Variants in GPLD1 observed in about 807,000 individuals in gnomAD.
GPLD1 encodes phosphatidylinositol-glycan-specific phospholipase D.
In GPLD1, 84 loss-of-function variants were observed where a neutral mutation model predicts 112.6. That is an observed-to-expected ratio of 0.75 (90% CI 0.63 to 0.89). The LOEUF is 0.89. Ranked by LOEUF, GPLD1 falls within the 40% of genes least tolerant of loss-of-function variation. The pLI, the probability that GPLD1 is intolerant of heterozygous loss-of-function variation, is 0.00. For synonymous variants in GPLD1, 386 were observed against 403.8 expected (o/e 0.96, Z 0.53); for missense variants, 1,044 against 1,051.5 (o/e 0.99, Z 0.10).
At chr6:24,467,407 GT>G in intron 7 of GPLD1, 133 bp from the exon 8 acceptor site, 1 of 610,390 alleles carries the variant, frequency 1.6e-6, no homozygotes, top group Non-Finnish European at 2.9e-6. Context: ...ACATGCACCA[GT>G]TATTTAATCC....
intron 10 of GPLD1, among the ~76,000 whole-genome samples, chr6:24,465,489 G>A (rs1354299416): frequency 6.6e-6 from 1 of 152,018 alleles, no homozygotes; most frequent in East Asian, 1.9e-4. Flanking sequence ...GTAGCGAGCT[G>A]AGATAATGCC....
chr6:24,447,854 A>C lies in GPLD1; in HGVS notation c.1678+23T>G. 2.5e-6 allele frequency: 4 copies of C among 1,612,488 alleles called. No individual in the cohort carries two copies. In the South Asian group the frequency reaches 4.4e-5, roughly 18 times the overall value. On this transcript the variant is annotated intron_variant, in intron 17 of 24. Transcript: ENST00000230036. ...AGACACACAGAGCAGCCATGGTCTC[A>C]CCCATTCCCCCTCAGGCACTACCTT...
intron 5 of GPLD1, among the ~76,000 whole-genome samples, chr6:24,474,896 C>T (rs912470147): frequency 1.3e-5 from 2 of 151,100 alleles, no homozygotes; most frequent in Admixed American, 6.6e-5. Flanking sequence ...GCCAAGATCG[C>T]GCCTTCGCAC....
chr6:24,452,220 CCTGT>C (rs1309561753), intron 14 of GPLD1, among the ~76,000 whole-genome samples: 3 of 152,180 alleles, frequency 2.0e-5, no homozygotes, highest in African/African-American at 4.8e-5. Context: ...CTCTTTATTC[CCTGT>C]CTATATGTGC....
chr6:24,470,126 T>G (rs1465100080), intron 7 of GPLD1, among the ~76,000 whole-genome samples: 1 of 147,746 alleles, frequency 6.8e-6, no homozygotes, highest in African/African-American at 2.5e-5. Flanking sequence ...ACCTGGACGG[T>G]TTTTTTTTTG....
intron 20 of GPLD1, among the ~76,000 whole-genome samples, chr6:24,439,850 T>C (rs920158002): frequency 2.0e-5 from 3 of 152,246 alleles, no homozygotes; most frequent in Admixed American, 1.3e-4. Flanking sequence ...ACCTTCTAGT[T>C]AACATAGAAT....
chr6:24,451,848 C>T (rs1581749424), intron 14 of GPLD1, among the ~76,000 whole-genome samples: 1 of 152,290 alleles, frequency 6.6e-6, no homozygotes, highest in African/African-American at 2.4e-5. Context: ...ACAAAACACG[C>T]TAGGGCAGGG....
intron 20 of GPLD1, among the ~76,000 whole-genome samples, chr6:24,444,371 C>G (rs1412363832): frequency 6.6e-6 from 1 of 151,258 alleles, no homozygotes; most frequent in Non-Finnish European, 1.5e-5. Context: ...ATAGTATAAG[C>G]TTCAGTTTTT....
In GPLD1 at chr6:24,475,168, A is replaced by G. The variant is rs1359247659; in HGVS notation, c.394T>C (p.Trp132Arg). ...ITSHMAADVS[W>R]HSLGLEQGFL... is the part of the protein sequence containing the mutation. ...CCTTGTTCAAGGCCCAGACTATGCC[A>G]GCTGACATCTGCCGCCATGTGAGAA... Residue 132 changes from tryptophan to arginine, a missense_variant, in exon 5 of 25, where the codon TGG becomes CGG. Physicochemically the swap from Trp to Arg is moderately radical, Grantham distance 101. Transcript: ENST00000230036. The G allele has an allele frequency of 1.9e-6, 3 of 1,612,706 alleles. No homozygotes were observed. Among genetic ancestry groups the G allele is most frequent in the Non-Finnish European group, 2.5e-6 (3 of 1,178,676 alleles).
At position 24,446,955 on chromosome 6, in the gene GPLD1, T is replaced by G. The variant is rs1238592424; in HGVS notation, c.1703A>C (p.Asn568Thr). The change falls in exon 18 of 25, where the codon AAC becomes ACC. Residue 568 changes from asparagine to threonine, a missense_variant. Physicochemically the swap from Asn to Thr is moderately conservative, Grantham distance 65. Coordinates refer to ENST00000230036, the MANE Select transcript of GPLD1 (RefSeq NM_001503.4). ...GTCTTCCTCGCCTCTCACCGTCCAG[T>G]TGGCTGCCTCCACGTTCAGTTTTTC... Reference protein sequence around the residue: ...DKEKLNVEAANWTVRGEEDFS... With the variant: ...DKEKLNVEAATWTVRGEEDFS... 6.2e-7 allele frequency: 1 copy of G among 1,613,664 alleles called. No homozygotes were observed. Among genetic ancestry groups the G allele is most frequent in the South Asian group, 1.1e-5 (1 of 90,982 alleles).
intron 13 of GPLD1, among the ~76,000 whole-genome samples, chr6:24,454,883 C>T (rs1561840928): frequency 6.6e-6 from 1 of 152,154 alleles, no homozygotes; most frequent in Non-Finnish European, 1.5e-5. Context: ...AATCCCAGCA[C>T]TTTGGGAGGC....
At chr6:24,443,094 C>T (rs1305702183) in intron 20 of GPLD1, among the ~76,000 whole-genome samples, 1 of 152,204 alleles carries the variant, frequency 6.6e-6, no homozygotes, top group Admixed American at 6.6e-5. Context: ...GCTATGGTTA[C>T]TACTTGAGAC....
intron 24 of GPLD1, 26 bp downstream of exon 24, chr6:24,433,161 C>A: frequency 6.6e-7 from 1 of 1,526,200 alleles, no homozygotes; most frequent in South Asian, 1.1e-5. Flanking sequence ...ACATAAACAT[C>A]AATGAAGTTC....
At chr6:24,468,502 C>T (rs867429371) in intron 7 of GPLD1, among the ~76,000 whole-genome samples, 2 of 152,118 alleles carry the variant, frequency 1.3e-5, no homozygotes, top group Non-Finnish European at 2.9e-5. Context: ...CTCCTCGCTT[C>T]GAGTTGTCCC....
upstream of GPLD1, among the ~76,000 whole-genome samples, chr6:24,493,220 A>T (rs913800750): frequency 4.6e-5 from 7 of 152,192 alleles, no homozygotes; most frequent in African/African-American, 1.7e-4. Context: ...TGAGCCCTGT[A>T]ATCCCAGCAC....
chr6:24,495,166 C>T, exon 1 of GPLD1: 3 of 1,479,986 alleles, frequency 2.0e-6, no homozygotes, highest in Non-Finnish European at 2.7e-6. Flanking sequence ...CTCTCTGCGG[C>T]GCTGCTGCGC....
chr6:24,449,482 G>A (rs912381975), intron 15 of GPLD1, among the ~76,000 whole-genome samples: 3 of 152,158 alleles, frequency 2.0e-5, no homozygotes, highest in African/African-American at 4.8e-5. Context: ...CTACAGATGA[G>A]CTGGGATTTC....
At chr6:24,468,158 G>A (rs557779435) in intron 7 of GPLD1, among the ~76,000 whole-genome samples, 2 of 151,764 alleles carry the variant, frequency 1.3e-5, no homozygotes, top group South Asian at 2.1e-4. Context: ...CACCTGCCTC[G>A]GCCTCCCAAA....
At chr6:24,456,783 G>A (rs115149018) in intron 12 of GPLD1, 146 bp from the exon 13 acceptor site, 18,848 of 536,938 alleles carry the variant, frequency 0.035, 408 homozygotes, top group Non-Finnish European at 0.042. Context: ...GGTCCTATCA[G>A]CAAGTAAGAT....
Sources: allele counts gnomAD v4.1 joint callset (sites outside exome capture counted in the v4.1 genomes callset), GRCh38; gene constraint gnomAD v4.1.1; transcripts MANE v1.5; gene names NCBI Gene and HGNC (gene_info 2026-07-23, HGNC 2026-07-21).